Variants in KDM2A observed in about 807,000 individuals in gnomAD.
KDM2A encodes the protein lysine demethylase 2A, also known as lysine-specific demethylase 2A.
KDM2A carries 3 observed loss-of-function variants against 137.3 expected under a neutral mutation model. The observed-to-expected ratio is 0.02, with a 90% CI of 0.01 to 0.06. The LOEUF is 0.06. KDM2A is among the 10% of genes least tolerant of loss of function. KDM2A has a pLI of 1.00. For missense variants in KDM2A, 738 were observed against 1,510.6 expected (o/e 0.49, Z 8.48); for synonymous variants, 512 against 541.5 (o/e 0.95, Z 0.76).
chr11:67,153,033 A>G (rs6591232), intron 2 of KDM2A, among the ~76,000 whole-genome samples: 109,676 of 150,678 alleles, frequency 0.73, 45,773 homozygotes, highest in South Asian at 0.94. Context: ...TGCCCAGGCT[A>G]GAGTGAAATG....
chr11:67,235,499 CTTCATG>C (rs1197863860), intron 12 of KDM2A, among the ~76,000 whole-genome samples: 2 of 151,884 alleles, frequency 1.3e-5, no homozygotes, highest in African/African-American at 4.8e-5. Flanking sequence ...GACTGGGCTT[CTTCATG>C]TTGTTCAGGC....
At chr11:67,213,150 T>A (rs186284245) in intron 6 of KDM2A, among the ~76,000 whole-genome samples, 63 of 152,350 alleles carry the variant, frequency 4.1e-4, no homozygotes, top group Middle Eastern at 3.4e-3. Flanking sequence ...AGTTAACATC[T>A]GGGTATCCTC....
intron 6 of KDM2A, among the ~76,000 whole-genome samples, chr11:67,208,460 C>T (rs555966030): frequency 1.2e-4 from 18 of 151,698 alleles, no homozygotes; most frequent in African/African-American, 1.4e-4. Flanking sequence ...TTGGATGTAA[C>T]GGAGAGGAAT....
intron 5 of KDM2A, among the ~76,000 whole-genome samples, chr11:67,200,100 G>T (rs1052347437): frequency 5.9e-5 from 9 of 152,144 alleles, no homozygotes; most frequent in African/African-American, 1.9e-4. Flanking sequence ...TAAGCCCACT[G>T]TGGAGATCTG....
At chr11:67,240,284 G>T (rs1406024061) in intron 12 of KDM2A, 22 of 1,535,532 alleles carry the variant, frequency 1.4e-5, no homozygotes, top group Non-Finnish European at 1.9e-5. Context: ...TCCTTCAGGA[G>T]AACTTCCAGT....
rs768772135 is a variant in KDM2A, at chr11:67,255,179, C to T, written c.*124C>T. Reference sequence around the variant, plus strand: ...CACACTCCCTCTCTGCTCTCCTGTCCCTTGAGCCCTTCCTCTACAGGTGGG... The same window carrying T: ...CACACTCCCTCTCTGCTCTCCTGTCTCTTGAGCCCTTCCTCTACAGGTGGG... On this transcript the variant is annotated 3_prime_UTR_variant, in exon 21 of 21. Transcript: ENST00000529006. 1.1e-5 allele frequency: 9 copies of T among 824,166 alleles called. No homozygotes were observed. The highest frequency in any genetic ancestry group is 1.7e-5 in the Non-Finnish European group (9 of 529,858). The allele number at this position is 824,166 out of a possible 1,614,324, so 51.1% of individuals were successfully genotyped here.
chr11:67,142,224 G>T (rs956861830), intron 2 of KDM2A, among the ~76,000 whole-genome samples: 1 of 151,728 alleles, frequency 6.6e-6, no homozygotes, highest in Non-Finnish European at 1.5e-5. Flanking sequence ...TTTAGTAGAG[G>T]TGGGGTTTGA....
intron 6 of KDM2A, among the ~76,000 whole-genome samples, chr11:67,213,439 TCTC>T (rs1425419444): frequency 6.6e-6 from 1 of 152,104 alleles, no homozygotes; most frequent in Non-Finnish European, 1.5e-5. Context: ...TGCTTTCACT[TCTC>T]TTTTTTTTCA....
intron 12 of KDM2A, among the ~76,000 whole-genome samples, chr11:67,234,635 G>A (rs1858813977): frequency 6.6e-6 from 1 of 152,202 alleles, no homozygotes; most frequent in Non-Finnish European, 1.5e-5. Flanking sequence ...TTAGGCGGCA[G>A]ACGCAGGCAG....
chr11:67,242,921 A>G, intron 12 of KDM2A, 88 bp from the exon 13 acceptor site: 1 of 948,480 alleles, frequency 1.1e-6, no homozygotes, highest in Admixed American at 1.8e-5. Flanking sequence ...ACTCAAGGGT[A>G]CTGAGGCAGA....
intron 12 of KDM2A, 140 bp downstream of exon 12, chr11:67,232,100 T>C (rs570333806): frequency 1.7e-5 from 13 of 781,948 alleles, no homozygotes; most frequent in East Asian, 1.2e-4. Context: ...GTGTTTGTTA[T>C]TGCTGCTCAG....
chr11:67,186,127 G>T (rs1370531280), intron 5 of KDM2A, among the ~76,000 whole-genome samples: 1 of 151,952 alleles, frequency 6.6e-6, no homozygotes, highest in East Asian at 1.9e-4. Context: ...ATGAAAGACA[G>T]GAGTATAAAC....
At chr11:67,174,831 C>T (rs976235250) in intron 2 of KDM2A, among the ~76,000 whole-genome samples, 3 of 152,084 alleles carry the variant, frequency 2.0e-5, no homozygotes, top group Non-Finnish European at 4.4e-5. Flanking sequence ...CCTGTTAACC[C>T]TGGGAAATGC....
intron 12 of KDM2A, among the ~76,000 whole-genome samples, chr11:67,233,287 G>T (rs1858771043): frequency 6.7e-6 from 1 of 149,832 alleles, no homozygotes. Context: ...GAGAGGCCAA[G>T]GTGGGAGGAT....
At chr11:67,132,524 T>A (rs977407630) in intron 2 of KDM2A, among the ~76,000 whole-genome samples, 1 of 152,168 alleles carries the variant, frequency 6.6e-6, no homozygotes. Flanking sequence ...TGACCTCAAA[T>A]GATCCGCCTG....
chr11:67,250,218 G>A lies in KDM2A; in HGVS notation c.2188G>A (p.Val730Ile), dbSNP rs747997694. The part of the protein sequence containing the change: ...TSMLQLIHDP[V>I]SPRGMVTRSS... ...CATGCTGCAGCTCATCCATGACCCGGTTTCCCCCCGGGGTATGGTGACTCG... is the reference window on the plus strand; with the variant it reads ...CATGCTGCAGCTCATCCATGACCCGATTTCCCCCCGGGGTATGGTGACTCG... The change falls in exon 17 of 21, where the codon GTT becomes ATT. Residue 730 changes from valine (V) to isoleucine (I), a missense_variant. Val to Ile is a conservative substitution (Grantham distance 29). Transcript: ENST00000529006. This position sits in a 1 kb window ranked among gnomAD's most constrained non-coding sequence, Gnocchi z 7.1. 4 of 1,613,886 alleles carry A rather than the reference G, an allele frequency of 2.5e-6. No homozygotes were observed.
intron 12 of KDM2A, among the ~76,000 whole-genome samples, chr11:67,234,289 CTTA>C (rs1565417569): frequency 6.6e-6 from 1 of 152,156 alleles, no homozygotes; most frequent in Non-Finnish European, 1.5e-5. Flanking sequence ...AAACTTGGTG[CTTA>C]TAGCACTGAT....
intron 2 of KDM2A, among the ~76,000 whole-genome samples, chr11:67,130,147 C>G (rs1253867640): frequency 6.9e-6 from 1 of 145,600 alleles, no homozygotes; most frequent in African/African-American, 2.7e-5. Flanking sequence ...TTTTTTCTTG[C>G]ACCAAAGCTT....
At position 67,250,330 on chromosome 11, in the gene KDM2A, C is replaced by G. The variant is rs558120059; in HGVS notation, c.2300C>G (p.Ala767Gly). The G allele has an allele frequency of 6.2e-6, 10 of 1,613,974 alleles. No homozygotes were observed. The East Asian group carries it at 2.0e-4, about 32-fold the overall frequency. The change falls in exon 17 of 21, where the codon GCC (alanine) becomes GGC (glycine). Residue 767 changes from alanine (A) to glycine (G), a missense_variant. Ala to Gly is a moderately conservative substitution (Grantham distance 60). This residue lies in a region of KDM2A where 244 missense variants were observed against 324.6 expected (regional missense o/e 0.75). Transcript: ENST00000529006. The surrounding 1 kb of genome is among the most constrained non-coding windows in gnomAD (Gnocchi z 7.1). ...FKRRQLLRLQ[A>G]TERTMVREKE... ...CGGCGGCAGTTGCTGCGGCTGCAGG[C>G]CACAGAGCGCACCATGGTACGGGAA... is the stretch of plus-strand genomic sequence containing the variant.
Sources: gnomAD v4.1 joint callset for allele counts (sites outside exome capture counted in the v4.1 genomes callset) on GRCh38, gnomAD v4.1.1 for gene constraint, gnomAD v4.1.1 regional missense constraint, Gnocchi (gnomAD v3.1) non-coding constraint, MANE v1.5 for transcripts, NCBI Gene and HGNC (gene_info 2026-07-23, HGNC 2026-07-21) for gene names.